The following SPOCK3 variants were observed in gnomAD, a reference collection of about 807,000 sequenced individuals.
SPOCK3 encodes SPARC (osteonectin), cwcv and kazal like domains proteoglycan 3, also known as testican-3.
In SPOCK3, 30 loss-of-function variants were observed where a neutral mutation model predicts 56.6. The ratio of observed to expected loss-of-function variants is 0.53; its 90% CI spans 0.40 to 0.72. The LOEUF (loss-of-function observed/expected upper bound fraction) is 0.72. Among genes scored for constraint, SPOCK3 ranks in the 30% least tolerant of loss-of-function variants. The pLI, the probability that SPOCK3 is intolerant of heterozygous loss-of-function variation, is 0.00. For missense variants in SPOCK3, 527 were observed against 530.0 expected, an observed-to-expected ratio of 0.99 and a Z score of 0.06; for synonymous variants, 196 against 183.3, an observed-to-expected ratio of 1.07 and a Z score of -0.56.
chr4:166,980,760 G>A (rs1290798379), intron 4 of SPOCK3, among the ~76,000 whole-genome samples: 2 of 152,270 alleles, frequency 1.3e-5, no homozygotes, highest in Non-Finnish European at 2.9e-5. Flanking sequence ...AGGCACCTGT[G>A]TGAGGGGAAT....
intron 2 of SPOCK3, among the ~76,000 whole-genome samples, chr4:167,109,228 A>T (rs1217144508): frequency 2.3e-5 from 2 of 87,666 alleles, no homozygotes; most frequent in Admixed American, 2.1e-4. Context: ...ATAGTATATA[A>T]TATATATTTA....
chr4:167,135,729 G>A (rs1763065550), intron 2 of SPOCK3, among the ~76,000 whole-genome samples: 1 of 148,460 alleles, frequency 6.7e-6, no homozygotes, highest in Admixed American at 6.7e-5. Flanking sequence ...AAAATTGTTA[G>A]GCTGTTTTAA....
intron 6 of SPOCK3, among the ~76,000 whole-genome samples, chr4:166,884,678 C>A (rs1190977399): frequency 6.6e-6 from 1 of 151,944 alleles, no homozygotes; most frequent in Admixed American, 6.6e-5. Flanking sequence ...GGAAATACAT[C>A]CATAAATCCT....
At chr4:166,793,083 T>C (rs1741521610) in intron 6 of SPOCK3, among the ~76,000 whole-genome samples, 1 of 152,176 alleles carries the variant, frequency 6.6e-6, no homozygotes, top group Non-Finnish European at 1.5e-5. Context: ...AAAATATATT[T>C]TGAAAGCCAC....
At chr4:167,125,435 C>T (rs963506489) in intron 2 of SPOCK3, among the ~76,000 whole-genome samples, 4 of 149,722 alleles carry the variant, frequency 2.7e-5, no homozygotes, top group African/African-American at 9.7e-5. Flanking sequence ...CACCCCCGGC[C>T]GGGCGCGGTG....
chr4:167,178,429 G>T (rs1238944166), intron 2 of SPOCK3, among the ~76,000 whole-genome samples: 2 of 151,974 alleles, frequency 1.3e-5, no homozygotes, highest in African/African-American at 4.8e-5. Flanking sequence ...AAATCACTAA[G>T]GCAATTTAAA....
intron 6 of SPOCK3, among the ~76,000 whole-genome samples, chr4:166,820,154 C>T (rs1351163767): frequency 6.6e-6 from 1 of 151,980 alleles, no homozygotes; most frequent in African/African-American, 2.4e-5. Flanking sequence ...GAACAGCATA[C>T]TGACTATAGT....
At chr4:166,936,264 T>C (rs1161064528) in intron 4 of SPOCK3, among the ~76,000 whole-genome samples, 2 of 152,238 alleles carry the variant, frequency 1.3e-5, no homozygotes, top group Admixed American at 1.3e-4. Context: ...TAAGCAATAT[T>C]AACATATACT....
At chr4:166,842,195 G>A (rs1278916515) in intron 6 of SPOCK3, among the ~76,000 whole-genome samples, 2 of 152,160 alleles carry the variant, frequency 1.3e-5, no homozygotes, top group African/African-American at 2.4e-5. Flanking sequence ...TTATTGCAAA[G>A]AACAAAAGAA....
intron 2 of SPOCK3, among the ~76,000 whole-genome samples, chr4:167,176,224 C>G (rs991132845): frequency 2.0e-5 from 3 of 152,092 alleles, no homozygotes; most frequent in African/African-American, 7.2e-5. Context: ...ATCTTCCAGT[C>G]TCAAATACTT....
chr4:166,778,024 G>A (rs564637370), intron 7 of SPOCK3, among the ~76,000 whole-genome samples: 3 of 152,194 alleles, frequency 2.0e-5, no homozygotes, highest in African/African-American at 7.2e-5. Flanking sequence ...TGCTTGTCCT[G>A]CTTCCTCAAC....
chr4:166,763,618 T>G (rs1737544159), intron 7 of SPOCK3, among the ~76,000 whole-genome samples: 1 of 152,058 alleles, frequency 6.6e-6, no homozygotes, highest in Admixed American at 6.6e-5. Context: ...TAGGTAGAAT[T>G]AAATGTATGA....
intron 3 of SPOCK3, among the ~76,000 whole-genome samples, chr4:167,016,052 G>A (rs192147538): frequency 6.6e-6 from 1 of 152,202 alleles, no homozygotes; most frequent in East Asian, 1.9e-4. Flanking sequence ...CTTTCTTCGG[G>A]TTGTAAATTG....
At chr4:167,104,090 CG>C (rs1477529991) in intron 2 of SPOCK3, among the ~76,000 whole-genome samples, 2 of 152,026 alleles carry the variant, frequency 1.3e-5, no homozygotes, top group Non-Finnish European at 2.9e-5. Context: ...CTTTCAAGTA[CG>C]TAAAAAGTCT....
chr4:166,991,943 A>G (rs1283291248), intron 4 of SPOCK3, among the ~76,000 whole-genome samples: 1 of 152,196 alleles, frequency 6.6e-6, no homozygotes, highest in African/African-American at 2.4e-5. Flanking sequence ...CGTGTTGTAC[A>G]AAGCATGATA....
chr4:166,888,226 G>A lies in SPOCK3; in HGVS notation c.589+904C>T, dbSNP rs80149332. 5.4e-3 allele frequency among the ~76,000 whole-genome samples: 819 copies of A among 152,022 alleles called. 12 individuals carry two copies. The East Asian group carries it at 0.06, about 11-fold the overall frequency. Reference sequence around the variant, plus strand: ...ATTAAAGAAATTTCATACTCAATACGTTTTTCCTATTTGCATATCCATTCT... The same window carrying A: ...ATTAAAGAAATTTCATACTCAATACATTTTTCCTATTTGCATATCCATTCT... On this transcript the variant is annotated intron_variant, in intron 6 of 10. Transcript: ENST00000357545.
chr4:166,778,775 G>A (rs1254720382), intron 7 of SPOCK3, among the ~76,000 whole-genome samples: 1 of 151,828 alleles, frequency 6.6e-6, no homozygotes, highest in African/African-American at 2.4e-5. Context: ...AGAGTAGGCA[G>A]ATTCTTGTAG....
chr4:167,071,297 T>A (rs1756651212), intron 2 of SPOCK3, among the ~76,000 whole-genome samples: 1 of 152,094 alleles, frequency 6.6e-6, no homozygotes, highest in Non-Finnish European at 1.5e-5. Context: ...ACGTGCAGGT[T>A]TGTTACATAG....
At chr4:166,924,010 G>A (rs1738789272) in intron 4 of SPOCK3, among the ~76,000 whole-genome samples, 1 of 152,274 alleles carries the variant, frequency 6.6e-6, no homozygotes, top group Non-Finnish European at 1.5e-5. Flanking sequence ...CTGGAGGAAA[G>A]CTGAAAGAAA....
Sources: gnomAD v4.1 joint callset for allele counts (sites outside exome capture counted in the v4.1 genomes callset) on GRCh38, gnomAD v4.1.1 for gene constraint, MANE v1.5 for transcripts, NCBI Gene and HGNC (gene_info 2026-07-23, HGNC 2026-07-21) for gene names.